ENOX2: variants seen among roughly 807,000 people sequenced by gnomAD.
ENOX2 encodes ecto-NOX disulfide-thiol exchanger 2, also known as APK1 antigen.
Under a neutral mutation model 45.0 loss-of-function variants are expected in ENOX2, and 36 were observed. The ratio of observed to expected loss-of-function variants is 0.80; its 90% CI spans 0.61 to 1.06. The LOEUF is 1.06. Among genes scored for constraint, ENOX2 ranks in the 50% least tolerant of loss-of-function variants. The pLI, the probability that ENOX2 is intolerant of heterozygous loss-of-function variation, is 0.00. For synonymous variants in ENOX2, 174 were observed against 152.3 expected (o/e 1.14, Z -1.05); for missense variants, 423 against 462.5 (o/e 0.91, Z 0.78).
intron 3 of ENOX2, among the ~76,000 whole-genome samples, chrX:130,764,573 T>A (rs1424885312): frequency 9.3e-6 from 1 of 108,088 alleles, no homozygotes; most frequent in Non-Finnish European, 1.9e-5. Context: ...CTAGGTAAGG[T>A]CCAATCAATC....
chrX:130,645,853 A>G (rs1379295802), intron 10 of ENOX2: 11 of 684,928 alleles, frequency 1.6e-5, no homozygotes, highest in Non-Finnish European at 2.6e-5. Flanking sequence ...GCAGTGAGAG[A>G]GAGGAATCCC....
At chrX:130,858,292 T>C (rs2078348547) in intron 2 of ENOX2, among the ~76,000 whole-genome samples, 1 of 109,870 alleles carries the variant, frequency 9.1e-6, no homozygotes, top group Non-Finnish European at 1.9e-5. Flanking sequence ...ATTTTTGTAT[T>C]TTCTGTAGAG....
At chrX:130,650,058 C>A (rs1445213314) in intron 10 of ENOX2, among the ~76,000 whole-genome samples, 7 of 112,168 alleles carry the variant, frequency 6.2e-5, no homozygotes, top group Non-Finnish European at 7.5e-5. Flanking sequence ...TGTCCTCTGG[C>A]AGTCCACATG....
intron 3 of ENOX2, among the ~76,000 whole-genome samples, chrX:130,736,047 C>T: frequency 9.0e-6 from 1 of 111,598 alleles, no homozygotes; most frequent in Non-Finnish European, 1.9e-5. Context: ...GCAGTAGGCA[C>T]AGTAAAATTA....
chrX:130,660,632 T>A (rs1409357607), intron 9 of ENOX2, among the ~76,000 whole-genome samples: 2 of 112,275 alleles, frequency 1.8e-5, no homozygotes, highest in African/African-American at 6.5e-5. Flanking sequence ...GCATTTTGAA[T>A]CCAGTGCTGA....
intron 3 of ENOX2, 146 bp from the exon 4 acceptor site, chrX:130,703,400 T>C (rs1247402168): frequency 1.9e-5 from 9 of 472,670 alleles, no homozygotes; most frequent in Non-Finnish European, 3.0e-5. Context: ...CCAGCTTTCT[T>C]ATAAGGGTTA....
At chrX:130,653,097 T>G (rs765634881) in intron 10 of ENOX2, among the ~76,000 whole-genome samples, 16 of 111,948 alleles carry the variant, frequency 1.4e-4, no homozygotes, top group Non-Finnish European at 3.0e-4. Context: ...CTTTTCTTAA[T>G]CATCTGTATC....
intron 2 of ENOX2, among the ~76,000 whole-genome samples, chrX:130,886,768 G>C (rs1603379745): frequency 8.9e-6 from 1 of 111,908 alleles, no homozygotes; most frequent in East Asian, 2.8e-4. Context: ...CTTCCTGTTT[G>C]AAGTTTCCCT....
At chrX:130,685,566 T>C (rs748240425) in intron 5 of ENOX2, among the ~76,000 whole-genome samples, 1 of 112,280 alleles carries the variant, frequency 8.9e-6, no homozygotes, top group South Asian at 3.7e-4. Context: ...TACAGACATA[T>C]GTTGTTAGGT....
chrX:130,848,025 GTTGTTT>G (rs761665699), intron 2 of ENOX2, among the ~76,000 whole-genome samples: 2 of 111,662 alleles, frequency 1.8e-5, no homozygotes, highest in African/African-American at 6.5e-5. Flanking sequence ...TTTTTTTGTT[GTTGTTT>G]TTGTTTTTGT....
chrX:130,891,969 G>A (rs1254081438), intron 2 of ENOX2, among the ~76,000 whole-genome samples: 2 of 111,950 alleles, frequency 1.8e-5, no homozygotes, highest in South Asian at 3.7e-4. Context: ...GGACAATACA[G>A]TTAACCATGC....
chrX:130,645,629 C>T (rs899319384), intron 10 of ENOX2: 19 of 395,259 alleles, frequency 4.8e-5, no homozygotes, highest in East Asian at 2.9e-4. Context: ...CCATGGGGCC[C>T]GCGCCCGCCT....
In ENOX2 at chrX:130,896,897, C is replaced by T. The variant is rs993648264; in HGVS notation, c.-183+4787G>A. ...TAGAGAAAATCAGATATCCTATATA[C>T]ACTCGACTGTATGTCGTATGGTAAT... On this transcript the variant is annotated intron_variant, in intron 2 of 14. Transcript: ENST00000394363. 2.7e-5 allele frequency among the ~76,000 whole-genome samples: 3 copies of T among 111,867 alleles called. No individual in the cohort carries two copies. The Admixed American group carries it at 2.8e-4, about 11-fold the overall frequency.
At chrX:130,772,048 G>A (rs773899885) in intron 3 of ENOX2, among the ~76,000 whole-genome samples, 23 of 112,352 alleles carry the variant, frequency 2.0e-4, no homozygotes, top group African/African-American at 7.1e-4. Context: ...TCCAATCAAG[G>A]CAGAAAATAC....
intron 3 of ENOX2, among the ~76,000 whole-genome samples, chrX:130,704,584 G>A (rs1157692678): frequency 9.0e-6 from 1 of 111,298 alleles, no homozygotes; most frequent in Non-Finnish European, 1.9e-5. Context: ...AACCCATGAA[G>A]GCAACTCTGT....
chrX:130,649,665 C>A (rs1354051287), intron 10 of ENOX2, among the ~76,000 whole-genome samples: 1 of 111,905 alleles, frequency 8.9e-6, no homozygotes, highest in East Asian at 2.8e-4. Context: ...ATGACATATT[C>A]ATTTTATGAT....
At chrX:130,683,732 C>T (rs1294171141) in intron 5 of ENOX2, among the ~76,000 whole-genome samples, 2 of 106,113 alleles carry the variant, frequency 1.9e-5, no homozygotes, top group African/African-American at 6.9e-5. Flanking sequence ...ATTGGGAATT[C>T]AGTAAATCTC....
chrX:130,644,368 T>A (rs1400482358), intron 10 of ENOX2, among the ~76,000 whole-genome samples: 1 of 111,309 alleles, frequency 9.0e-6, no homozygotes, highest in African/African-American at 3.3e-5. Flanking sequence ...TACCATACCA[T>A]CCAGCAATCA....
intron 3 of ENOX2, among the ~76,000 whole-genome samples, chrX:130,710,930 T>C (rs184485685): frequency 1.6e-3 from 179 of 112,202 alleles, no homozygotes; most frequent in African/African-American, 5.5e-3. Flanking sequence ...GAAATAGCAG[T>C]AGGCACACCA....
Sources: allele counts gnomAD v4.1 joint callset (sites outside exome capture counted in the v4.1 genomes callset), GRCh38; gene constraint gnomAD v4.1.1; transcripts MANE v1.5; gene names NCBI Gene and HGNC (gene_info 2026-07-23, HGNC 2026-07-21).